Variants in RSRC1 observed in about 807,000 individuals in gnomAD.
RSRC1 encodes serine/Arginine-related protein 53.
A neutral mutation model predicts 49.1 loss-of-function variants in RSRC1; 39 were observed. That is an observed-to-expected ratio of 0.79 (90% CI 0.61 to 1.04). The LOEUF (loss-of-function observed/expected upper bound fraction) is 1.04, where lower values mean the gene tolerates loss of function less well. Among genes scored for constraint, RSRC1 ranks in the 50% least tolerant of loss-of-function variants. RSRC1 has a pLI of 0.00. For missense variants in RSRC1, 388 were observed against 402.4 expected, an observed-to-expected ratio of 0.96 and a Z score of 0.31; for synonymous variants, 143 against 130.8, an observed-to-expected ratio of 1.09 and a Z score of -0.63.
At chr3:158,459,862 A>G (rs1445709691) in intron 6 of RSRC1, among the ~76,000 whole-genome samples, 2 of 152,116 alleles carry the variant, frequency 1.3e-5, no homozygotes, top group African/African-American at 2.4e-5. Flanking sequence ...GAAAGTGTCA[A>G]TATTAATGGT....
intron 4 of RSRC1, among the ~76,000 whole-genome samples, chr3:158,229,401 TACAC>T (rs1216539740): frequency 1.2e-4 from 17 of 146,512 alleles, no homozygotes; most frequent in Admixed American, 8.2e-4. Context: ...TATATACACA[TACAC>T]ACGTATATGT....
At chr3:158,152,660 G>A (rs1053936887) in intron 3 of RSRC1, among the ~76,000 whole-genome samples, 3 of 152,096 alleles carry the variant, frequency 2.0e-5, no homozygotes, top group Non-Finnish European at 1.5e-5. Context: ...TTTCCAGTTC[G>A]TGTCTGTTGC....
intron 6 of RSRC1, among the ~76,000 whole-genome samples, chr3:158,453,385 T>C (rs1456420849): frequency 6.7e-6 from 1 of 149,192 alleles, no homozygotes; most frequent in Non-Finnish European, 1.5e-5. Context: ...CCGGAACCTT[T>C]TTTTTTTTTT....
intron 5 of RSRC1, among the ~76,000 whole-genome samples, chr3:158,334,531 A>T (rs560291782): frequency 6.6e-6 from 1 of 150,378 alleles, no homozygotes; most frequent in South Asian, 2.1e-4. Flanking sequence ...GCCAGGCTGG[A>T]GTGCAGTGGT....
At chr3:158,413,146 T>C (rs142554361) in intron 6 of RSRC1, among the ~76,000 whole-genome samples, 192 of 152,258 alleles carry the variant, frequency 1.3e-3, no homozygotes, top group African/African-American at 4.3e-3. Flanking sequence ...TACAGACACA[T>C]AGACCAATGG....
chr3:158,130,684 A>G (rs1049133251), intron 3 of RSRC1, among the ~76,000 whole-genome samples: 4 of 152,192 alleles, frequency 2.6e-5, no homozygotes, highest in Non-Finnish European at 5.9e-5. Context: ...CAAAGGTCTC[A>G]GATATGGGAT....
intron 7 of RSRC1, chr3:158,469,448 A>C: frequency 2.3e-6 from 1 of 425,868 alleles, no homozygotes; most frequent in South Asian, 1.7e-5. Context: ...AAGATGGATT[A>C]GTTAATACCA....
At chr3:158,250,407 G>A (rs1052738118) in intron 4 of RSRC1, among the ~76,000 whole-genome samples, 10 of 152,160 alleles carry the variant, frequency 6.6e-5, no homozygotes, top group Non-Finnish European at 1.5e-4. Flanking sequence ...CTCCATAGTG[G>A]TTGTACTAAT....
chr3:158,363,332 C>T (rs1234514317), intron 6 of RSRC1, among the ~76,000 whole-genome samples: 11 of 150,592 alleles, frequency 7.3e-5, no homozygotes, highest in South Asian at 4.2e-4. Flanking sequence ...GGCACAAGCT[C>T]GGCTCACCAC....
intron 3 of RSRC1, among the ~76,000 whole-genome samples, chr3:158,179,181 A>G (rs1043402125): frequency 4.6e-5 from 7 of 152,162 alleles, no homozygotes; most frequent in African/African-American, 7.2e-5. Flanking sequence ...GATATTTTTA[A>G]CTTTATTTTG....
At chr3:158,420,876 C>G (rs529276771) in intron 6 of RSRC1, among the ~76,000 whole-genome samples, 49 of 151,948 alleles carry the variant, frequency 3.2e-4, no homozygotes, top group African/African-American at 1.2e-3. Context: ...GGTGCCTGCC[C>G]TCATGGAATG....
At chr3:158,203,293 C>A in intron 4 of RSRC1, 48 bp downstream of exon 4, 2 of 1,504,190 alleles carry the variant, frequency 1.3e-6, no homozygotes, top group Non-Finnish European at 1.8e-6. Context: ...GATTCCATGG[C>A]GATGTTCAAA....
intron 7 of RSRC1, among the ~76,000 whole-genome samples, chr3:158,463,172 C>T (rs1053276860): frequency 5.9e-5 from 9 of 152,016 alleles, no homozygotes; most frequent in Non-Finnish European, 1.2e-4. Flanking sequence ...TAAGACAGGC[C>T]GTAACTATTA....
chr3:158,268,277 G>A (rs1013942158), intron 4 of RSRC1, among the ~76,000 whole-genome samples: 4 of 152,064 alleles, frequency 2.6e-5, no homozygotes, highest in Admixed American at 6.6e-5. Context: ...ATTTAAAAAC[G>A]CATCAAAGGT....
At chr3:158,440,133 T>A (rs983896650) in intron 6 of RSRC1, among the ~76,000 whole-genome samples, 31 of 151,960 alleles carry the variant, frequency 2.0e-4, no homozygotes, top group African/African-American at 6.0e-4. Context: ...TAAAATAAAA[T>A]TTTTTAAAAA....
intron 7 of RSRC1, among the ~76,000 whole-genome samples, chr3:158,536,874 G>A (rs890056818): frequency 2.2e-4 from 33 of 151,498 alleles, no homozygotes; most frequent in African/African-American, 8.0e-4. Context: ...GATCATTAAG[G>A]CAGTGCCTTC....
intron 5 of RSRC1, among the ~76,000 whole-genome samples, chr3:158,335,514 C>A (rs902182299): frequency 6.6e-6 from 1 of 152,196 alleles, no homozygotes; most frequent in African/African-American, 2.4e-5. Context: ...ATTCTGGAAG[C>A]AGCGGAGGGT....
intron 3 of RSRC1, among the ~76,000 whole-genome samples, chr3:158,176,452 G>A (rs529345511): frequency 1.3e-5 from 2 of 152,214 alleles, no homozygotes; most frequent in East Asian, 1.9e-4. Context: ...CCAAAACAGA[G>A]ATATAGATCA....
intron 5 of RSRC1, among the ~76,000 whole-genome samples, chr3:158,313,752 C>T (rs749653952): frequency 1.3e-5 from 2 of 152,206 alleles, no homozygotes; most frequent in Non-Finnish European, 2.9e-5. Context: ...GTATCATCAG[C>T]ATTTGCTTTT....
Sources: allele counts gnomAD v4.1 joint callset (sites outside exome capture counted in the v4.1 genomes callset), GRCh38; gene constraint gnomAD v4.1.1; transcripts MANE v1.5; gene names NCBI Gene and HGNC (gene_info 2026-07-23, HGNC 2026-07-21).